The following ANKRD63 variants were observed in gnomAD, a reference collection of about 807,000 sequenced individuals.
The protein encoded by ANKRD63 is ankyrin repeat domain 63, also known as ankyrin repeat domain-containing protein 63.
Under a neutral mutation model 21.2 loss-of-function variants are expected in ANKRD63, and 18 were observed. The observed-to-expected ratio is 0.85, with a 90% CI of 0.59 to 1.26. ANKRD63 has a LOEUF of 1.26. Among genes scored for constraint, ANKRD63 ranks in the 50% most tolerant of loss-of-function variants. The pLI is 0.00. For synonymous variants in ANKRD63, 322 were observed against 273.3 expected, an observed-to-expected ratio of 1.18 and a Z score of -1.76; for missense variants, 523 against 570.9, an observed-to-expected ratio of 0.92 and a Z score of 0.85.
rs1294586110 is a variant in ANKRD63 at position 40,282,318 on chromosome 15, A to G, written c.269T>C (p.Leu90Pro). 1 of 1,517,832 alleles carries G rather than the reference A, an allele frequency of 6.6e-7. No homozygotes were observed. Among genetic ancestry groups the G allele is most frequent in the South Asian group, 1.2e-5 (1 of 82,300 alleles). The allele number at this position is 1,517,832 out of a possible 1,614,324, so 94.0% of individuals were successfully genotyped here. ...RDERGRTALSLACERGHLDAV... is the reference protein window; with the variant it reads ...RDERGRTALSPACERGHLDAV... ...GTCCAGGTGGCCTCGCTCGCACGCCAGGCTGAGTGCGGTGCGGCCGCGCTC... is the reference window on the plus strand; with the variant it reads ...GTCCAGGTGGCCTCGCTCGCACGCCGGGCTGAGTGCGGTGCGGCCGCGCTC... Residue 90 changes from leucine (L) to proline (P), a missense_variant, in exon 1 of 1, where the codon CTG becomes CCG. Around this residue, in one of 2 missense-constraint regions of ANKRD63, gnomAD observed 215 missense variants for 280.4 expected, o/e 0.77. Coordinates refer to ENST00000434396, the MANE Select transcript of ANKRD63 (RefSeq NM_001190479.3).
Position 40,282,660 on chromosome 15 carries a change from T to C in ANKRD63, c.-74A>G, listed in dbSNP as rs369848854. On this transcript the variant is annotated 5_prime_UTR_variant, in exon 1 of 1. Coordinates refer to ENST00000434396, the MANE Select transcript of ANKRD63 (RefSeq NM_001190479.3). ...CCCCTGTTCTCGCGCCCCGCGGGGC[T>C]CCGGCCTCCGCCCGCGCTCTGATAC... The C allele has an allele frequency of 3.8e-5, 46 of 1,198,458 alleles. 1 individual carries two copies. The South Asian group carries it at 5.9e-4, about 15-fold the overall frequency. The allele number at this position is 1,198,458 out of a possible 1,614,324, so 74.2% of individuals were successfully genotyped here.
Position 40,282,535 on chromosome 15 carries a change from C to G in ANKRD63, c.52G>C (p.Glu18Gln). 1 of 1,491,950 alleles carries G rather than the reference C, an allele frequency of 6.7e-7. No individual in the cohort carries two copies. Among genetic ancestry groups the G allele is most frequent in the Non-Finnish European group, 8.9e-7 (1 of 1,129,618 alleles). The allele number at this position is 1,491,950 out of a possible 1,614,324, so 92.4% of individuals were successfully genotyped here. A position where few individuals can be genotyped will look rare whatever the true frequency, so the allele number is the denominator to read the frequency against. Residue 18 changes from glutamate to glutamine, a missense_variant, in exon 1 of 1, where the codon GAG (glutamate) becomes CAG (glutamine). Transcript: ENST00000434396. ...TGCACTTTGCCCGCCTGCATGGCCTCCAGGAAGGTGCGCGTCCCCGCTCGG... is the reference window on the plus strand; with the variant it reads ...TGCACTTTGCCCGCCTGCATGGCCTGCAGGAAGGTGCGCGTCCCCGCTCGG... ...CPRAGTRTFL[E>Q]AMQAGKVHLA...
Position 40,281,429 on chromosome 15 carries a change from G to C in ANKRD63, c.*15C>G. On this transcript the variant is annotated 3_prime_UTR_variant, in exon 1 of 1. Transcript: ENST00000434396. ...CGGGAGGGTAGGGGAAGCAGGCCTC[G>C]GGCCTTGGCGCCGTTTACCGCTGAG... 6 of 1,378,524 alleles carry C rather than the reference G, an allele frequency of 4.4e-6. No homozygotes were observed. Among genetic ancestry groups the C allele is most frequent in the Non-Finnish European group, 3.7e-6 (4 of 1,070,618 alleles). The allele number at this position is 1,378,524 out of a possible 1,614,324, so 85.4% of individuals were successfully genotyped here.
At position 40,281,192 on chromosome 15, in the gene ANKRD63, G is replaced by C. The variant is rs1434497745; in HGVS notation, c.*252C>G. ...CTGGGGAGGGGGAATCCACCTTCCT[G>C]GCTGTAGCCTACGGAACCAGTCAAT... On this transcript the variant is annotated 3_prime_UTR_variant, in exon 1 of 1. Coordinates refer to ENST00000434396, the MANE Select transcript of ANKRD63 (RefSeq NM_001190479.3). 3.3e-5 allele frequency among the ~76,000 whole-genome samples: 5 copies of C among 152,208 alleles called. No homozygotes were observed. Among genetic ancestry groups the C allele is most frequent in the Admixed American group, 3.3e-4 (5 of 15,292 alleles).
Position 40,281,351 on chromosome 15 carries a change from G to A in ANKRD63, c.*93C>T, listed in dbSNP as rs1469089082. 8.8e-7 allele frequency: 1 copy of A among 1,139,896 alleles called. No homozygotes were observed. The highest frequency in any genetic ancestry group is 1.1e-6 in the Non-Finnish European group (1 of 874,956). 70.6% of individuals were successfully genotyped at this position (1,139,896 alleles called of 1,614,324 possible). On this transcript the variant is annotated 3_prime_UTR_variant, in exon 1 of 1. Transcript: ENST00000434396. ...GGTTCCAAAATGGACTGCGGGGGGC[G>A]GCTGCCGAAAAGGTGAGGGACCTAG... is the stretch of plus-strand genomic sequence containing the variant.
At position 40,281,040 on chromosome 15, in the gene ANKRD63, G is replaced by A. The variant is rs2039535622; in HGVS notation, c.*404C>T. 6.6e-6 allele frequency among the ~76,000 whole-genome samples: 1 copy of A among 152,154 alleles called. No individual in the cohort carries two copies. Among genetic ancestry groups the A allele is most frequent in the African/African-American group, 2.4e-5 (1 of 41,432 alleles). On this transcript the variant is annotated 3_prime_UTR_variant, in exon 1 of 1. Coordinates refer to ENST00000434396, the MANE Select transcript of ANKRD63 (RefSeq NM_001190479.3). The stretch of plus-strand genomic sequence containing the variant: ...CAGTAGGCAGAAAGTGGGGAGGCTG[G>A]GTCCTTATTCTCCAAGGTGGACCCT...
In ANKRD63 at chr15:40,281,718, C is replaced by T. The variant is rs2039545116; in HGVS notation, c.869G>A (p.Gly290Glu). The change falls in exon 1 of 1, where the codon GGG becomes GAG. Residue 290 changes from glycine (G) to glutamate (E), a missense_variant. Around this residue, in one of 2 missense-constraint regions of ANKRD63, gnomAD observed 308 missense variants for 290.4 expected, o/e 1.06. Coordinates refer to ENST00000434396, the MANE Select transcript of ANKRD63 (RefSeq NM_001190479.3). ...CAGCACCTCCTGTGAGCGCCACCGC[C>T]CAGTCCCCGAAGACTGGGGCGAGTT... ...LPNSPQSSGT[G>E]RWRSQEVLEG... 6.5e-7 allele frequency: 1 copy of T among 1,534,914 alleles called. No homozygotes were observed. Among genetic ancestry groups the T allele is most frequent in the Non-Finnish European group, 8.7e-7 (1 of 1,146,480 alleles).
rs1159586669 is a variant in ANKRD63 at position 40,282,125 on chromosome 15, C to G, written c.462G>C (p.Gly154=). ...GLRLDRTNRA[G]LTALQLAAAR... ...CGGCGGCCAGTTGCAGCGCGGTGAGCCCCGCACGGTTGGTGCGGTCGAGGC... is the reference window on the plus strand; with the variant it reads ...CGGCGGCCAGTTGCAGCGCGGTGAGGCCCGCACGGTTGGTGCGGTCGAGGC... Residue 154 remains glycine, a synonymous_variant, in exon 1 of 1, where the codon GGG becomes GGC. Coordinates refer to ENST00000434396, the MANE Select transcript of ANKRD63 (RefSeq NM_001190479.3). 1 of 1,453,180 alleles carries G rather than the reference C, an allele frequency of 6.9e-7. No individual in the cohort carries two copies. Among genetic ancestry groups the G allele is most frequent in the Non-Finnish European group, 9.0e-7 (1 of 1,112,416 alleles). The allele number at this position is 1,453,180 out of a possible 1,614,324, so 90.0% of individuals were successfully genotyped here. A position where few individuals can be genotyped will look rare whatever the true frequency, so the allele number is the denominator to read the frequency against.
At position 40,279,164 on chromosome 15, in the gene ANKRD63, A is replaced by G. The variant is rs1168239783; in HGVS notation, c.*2280T>C. Among the ~76,000 whole-genome samples, 1 of 152,044 alleles carries G rather than the reference A, an allele frequency of 6.6e-6. No individual in the cohort carries two copies. Among genetic ancestry groups the G allele is most frequent in the Non-Finnish European group, 1.5e-5 (1 of 68,002 alleles). ...CACCACCCAGACGGGGACTGAGGAG[A>G]GGCAGATGTTTTGGGAGAAGAGGGG... On this transcript the variant is annotated 3_prime_UTR_variant, in exon 1 of 1. Transcript: ENST00000434396.
In ANKRD63 at chr15:40,281,968, G is replaced by A. The variant is rs2039549114; in HGVS notation, c.619C>T (p.Arg207Ter). The A allele has an allele frequency of 8.0e-7, 1 of 1,252,624 alleles. No individual in the cohort carries two copies. 77.6% of individuals were successfully genotyped at this position (1,252,624 alleles called of 1,614,324 possible). A position where few individuals can be genotyped will look rare whatever the true frequency, so the allele number is the denominator to read the frequency against. The change falls in exon 1 of 1, where the codon CGA becomes TGA. Residue 207 changes from arginine to a stop codon, truncating the protein, a stop_gained. Coordinates refer to ENST00000434396, the MANE Select transcript of ANKRD63 (RefSeq NM_001190479.3). LOFTEE classifies it high-confidence loss of function. ...GGGAGGCGGCGGGGGCTGGGTCGTC[G>A]ATGCTCGGGGCTGGCCGCGGGGGCC... is the stretch of plus-strand genomic sequence containing the variant. ...RPAPAASPEHRRPSPRRLPRP... is the reference protein window; with the variant it reads ...RPAPAASPEH
At position 40,281,624 on chromosome 15, in the gene ANKRD63, G is replaced by A. The variant is rs1157441501; in HGVS notation, c.963C>T (p.Gly321=). ...GLSPHPEGGP[G]SGRLGLRRRS... is the part of the protein sequence containing the mutation. ...GTCGGCGCAAACCCAGGCGGCCAGA[G>A]CCGGGGCCGCCCTCCGGGTGGGGAC... The change falls in exon 1 of 1, where the codon GGC becomes GGT. Residue 321 remains glycine (G), a synonymous_variant. Transcript: ENST00000434396. 2.6e-6 allele frequency: 4 copies of A among 1,526,830 alleles called. No individual in the cohort carries two copies. Among genetic ancestry groups the A allele is most frequent in the Admixed American group, 2.0e-5 (1 of 49,650 alleles). 94.6% of individuals were successfully genotyped at this position (1,526,830 alleles called of 1,614,324 possible). A position where few individuals can be genotyped will look rare whatever the true frequency, so the allele number is the denominator to read the frequency against.
rs970024058 is a variant in ANKRD63 at position 40,279,536 on chromosome 15, C to G, written c.*1908G>C. Among the ~76,000 whole-genome samples the G allele has an allele frequency of 1.3e-5, 2 of 152,218 alleles. No individual in the cohort carries two copies. Among genetic ancestry groups the G allele is most frequent in the Admixed American group, 1.3e-4 (2 of 15,286 alleles). On this transcript the variant is annotated 3_prime_UTR_variant, in exon 1 of 1. Transcript: ENST00000434396. ...AAAACCAGGATGTCTGAGCTCCGAGCCGGGGCGCAGCGGGGAGGGCCCAGC... is the reference window on the plus strand; with the variant it reads ...AAAACCAGGATGTCTGAGCTCCGAGGCGGGGCGCAGCGGGGAGGGCCCAGC...
rs2039539412 is a variant in ANKRD63, at chr15:40,281,363, G to C, written c.*81C>G. ...GACTGCGGGGGGCGGCTGCCGAAAAGGTGAGGGACCTAGAAGAGAGAAATA... is the reference window on the plus strand; with the variant it reads ...GACTGCGGGGGGCGGCTGCCGAAAACGTGAGGGACCTAGAAGAGAGAAATA... On this transcript the variant is annotated 3_prime_UTR_variant, in exon 1 of 1. Coordinates refer to ENST00000434396, the MANE Select transcript of ANKRD63 (RefSeq NM_001190479.3). The C allele has an allele frequency of 2.4e-6, 3 of 1,239,218 alleles. No homozygotes were observed. Among genetic ancestry groups the C allele is most frequent in the South Asian group, 4.3e-5 (2 of 46,420 alleles). The allele number at this position is 1,239,218 out of a possible 1,614,324, so 76.8% of individuals were successfully genotyped here.
Position 40,280,823 on chromosome 15 carries a change from G to A in ANKRD63, c.*621C>T, listed in dbSNP as rs758016696. ...GGGACAACTGGTGTTCAACACTAGG[G>A]ACTCTCCCACTCCCAAAATATGCTT... is the stretch of plus-strand genomic sequence containing the variant. On this transcript the variant is annotated 3_prime_UTR_variant, in exon 1 of 1. Transcript: ENST00000434396. 1.3e-5 allele frequency among the ~76,000 whole-genome samples: 2 copies of A among 152,328 alleles called. No individual in the cohort carries two copies. The highest frequency in any genetic ancestry group is 1.5e-5 in the Non-Finnish European group (1 of 68,024).
rs773914236 is a variant in ANKRD63 at position 40,282,100 on chromosome 15, C to T, written c.487G>A (p.Ala163Thr). 2.9e-6 allele frequency: 4 copies of T among 1,386,926 alleles called. No individual in the cohort carries two copies. Among genetic ancestry groups the T allele is most frequent in the Admixed American group, 3.7e-5 (1 of 26,680 alleles). 85.9% of individuals were successfully genotyped at this position (1,386,926 alleles called of 1,614,324 possible). The change falls in exon 1 of 1, where the codon GCC becomes ACC. Residue 163 changes from alanine (A) to threonine (T), a missense_variant. Around this residue, in one of 2 missense-constraint regions of ANKRD63, gnomAD observed 215 missense variants for 280.4 expected, o/e 0.77. Coordinates refer to ENST00000434396, the MANE Select transcript of ANKRD63 (RefSeq NM_001190479.3). ...AGLTALQLAAARGHGTCVQAL... is the reference protein window; with the variant it reads ...AGLTALQLAATRGHGTCVQAL... ...TGCACACAGGTCCCGTGGCCGCGGG[C>T]GGCGGCCAGTTGCAGCGCGGTGAGC...
chr15:40,278,986 T>C lies in ANKRD63; in HGVS notation c.*2458A>G, dbSNP rs932913968. 3.3e-5 allele frequency among the ~76,000 whole-genome samples: 5 copies of C among 152,334 alleles called. No homozygotes were observed. The highest frequency in any genetic ancestry group is 4.1e-4 in the South Asian group (2 of 4,826). On this transcript the variant is annotated 3_prime_UTR_variant, in exon 1 of 1. Coordinates refer to ENST00000434396, the MANE Select transcript of ANKRD63 (RefSeq NM_001190479.3). The stretch of plus-strand genomic sequence containing the variant: ...CAAAATACTTGCATTTCTACACCAC[T>C]AAAAACGTCATTAAAATTCAACACA...
rs977693046 is a variant in ANKRD63 at position 40,280,531 on chromosome 15, G to T, written c.*913C>A. On this transcript the variant is annotated 3_prime_UTR_variant, in exon 1 of 1. Coordinates refer to ENST00000434396, the MANE Select transcript of ANKRD63 (RefSeq NM_001190479.3). ...GAGCACCCACGTGCGGGACGGGGGA[G>T]CTGGGAGGCGTGGAGGCGGGGAAGC... Among the ~76,000 whole-genome samples the T allele has an allele frequency of 6.6e-6, 1 of 152,282 alleles. No homozygotes were observed. The highest frequency in any genetic ancestry group is 6.5e-5 in the Admixed American group (1 of 15,294).
At position 40,279,811 on chromosome 15, in the gene ANKRD63, A is replaced by AC. The variant is rs1228775304; in HGVS notation, c.*1632dup. On this transcript the variant is annotated 3_prime_UTR_variant, in exon 1 of 1. Coordinates refer to ENST00000434396, the MANE Select transcript of ANKRD63 (RefSeq NM_001190479.3). ...GCAAACAGATCGAAGTCTTGCAAAG[A>AC]CCTTACTGCAGGCAGGTGAAAGGCT... Among the ~76,000 whole-genome samples, 1 of 152,202 alleles carries AC rather than the reference A, an allele frequency of 6.6e-6. No individual in the cohort carries two copies. Among genetic ancestry groups the AC allele is most frequent in the African/African-American group, 2.4e-5 (1 of 41,440 alleles).
rs1448672199 is a variant in ANKRD63 at position 40,281,700 on chromosome 15, T to A, written c.887A>T (p.Glu296Val). 4 of 1,534,438 alleles carry A rather than the reference T, an allele frequency of 2.6e-6. No individual in the cohort carries two copies. In the African/African-American group the frequency reaches 5.5e-5, roughly 21 times the overall value. ...GGTTGGGGGCGCTCCCTCCAGCACC[T>A]CCTGTGAGCGCCACCGCCCAGTCCC... ...SSGTGRWRSQ[E>V]VLEGAPPTLA... Residue 296 changes from glutamate (E) to valine (V), a missense_variant, in exon 1 of 1, where the codon GAG becomes GTG. Physicochemically the swap from Glu to Val is moderately radical, Grantham distance 121. Transcript: ENST00000434396.
Sources: allele counts gnomAD v4.1 joint callset (sites outside exome capture counted in the v4.1 genomes callset), GRCh38; gene constraint gnomAD v4.1.1; regional missense constraint gnomAD v4.1.1; transcripts MANE v1.5; gene names NCBI Gene and HGNC (gene_info 2026-07-23, HGNC 2026-07-21).